TTC28: variants seen among roughly 807,000 people sequenced by gnomAD.
TTC28 encodes the protein tetratricopeptide repeat protein 28.
TTC28 carries 61 observed loss-of-function variants against 198.0 expected under a neutral mutation model. The observed-to-expected ratio is 0.31, with a 90% CI of 0.25 to 0.38. The LOEUF (loss-of-function observed/expected upper bound fraction) is 0.38. TTC28 is among the 10% of genes least tolerant of loss of function. TTC28 has a pLI of 1.00. For synonymous variants in TTC28, 1,171 were observed against 1,297.8 expected (o/e 0.90, Z 2.10); for missense variants, 2,678 against 3,164.0 (o/e 0.85, Z 3.69).
chr22:28,336,623 C>T (rs561346367), intron 2 of TTC28, among the ~76,000 whole-genome samples: 10 of 151,598 alleles, frequency 6.6e-5, no homozygotes, highest in Admixed American at 5.3e-4. Flanking sequence ...AGTTTATTTG[C>T]GTAGAGGTGG....
intron 2 of TTC28, among the ~76,000 whole-genome samples, chr22:28,469,166 G>C (rs972704551): frequency 1.3e-5 from 2 of 152,142 alleles, no homozygotes; most frequent in Non-Finnish European, 2.9e-5. Context: ...TAGAGCTTCA[G>C]ACTACCTCTT....
At chr22:28,119,812 T>G (rs541015724) in intron 6 of TTC28, among the ~76,000 whole-genome samples, 8 of 152,390 alleles carry the variant, frequency 5.2e-5, no homozygotes, top group African/African-American at 1.9e-4. Flanking sequence ...ACTTCATTTT[T>G]GTACTGTCAT....
At chr22:28,626,165 A>C in intron 2 of TTC28, among the ~76,000 whole-genome samples, 1 of 152,178 alleles carries the variant, frequency 6.6e-6, no homozygotes, top group Non-Finnish European at 1.5e-5. Context: ...AAATCAAAGA[A>C]AAAACATCTA....
chr22:28,394,444 T>C (rs1471823934), intron 2 of TTC28, among the ~76,000 whole-genome samples: 1 of 152,222 alleles, frequency 6.6e-6, no homozygotes, highest in Non-Finnish European at 1.5e-5. Context: ...TTCTCCAAAC[T>C]CTGGGATTCC....
chr22:28,078,258 C>T (rs1038108457), intron 12 of TTC28, among the ~76,000 whole-genome samples: 1 of 152,112 alleles, frequency 6.6e-6, no homozygotes, highest in African/African-American at 2.4e-5. Flanking sequence ...GGCTAGGCTG[C>T]GGGTAATTGA....
At chr22:28,261,492 T>C (rs1207010858) in intron 5 of TTC28, among the ~76,000 whole-genome samples, 2 of 152,142 alleles carry the variant, frequency 1.3e-5, no homozygotes, top group African/African-American at 2.4e-5. Context: ...TCTTGGCTTT[T>C]ATTCTATGTG....
intron 2 of TTC28, among the ~76,000 whole-genome samples, chr22:28,573,189 G>A (rs1022259862): frequency 1.1e-4 from 16 of 151,516 alleles, no homozygotes; most frequent in African/African-American, 3.9e-4. Context: ...AGGCGTGGGG[G>A]CTCATGCCTG....
intron 2 of TTC28, among the ~76,000 whole-genome samples, chr22:28,517,766 T>C (rs2048819344): frequency 1.3e-5 from 2 of 152,216 alleles, no homozygotes; most frequent in Non-Finnish European, 2.9e-5. Flanking sequence ...ACTAAGTACT[T>C]ATTAAAGCAA....
At chr22:28,324,622 G>A (rs1218618411) in intron 2 of TTC28, among the ~76,000 whole-genome samples, 1 of 152,104 alleles carries the variant, frequency 6.6e-6, no homozygotes, top group Non-Finnish European at 1.5e-5. Flanking sequence ...CTACATAACA[G>A]AACAAATGAC....
intron 5 of TTC28, among the ~76,000 whole-genome samples, chr22:28,179,803 C>T (rs1159015211): frequency 6.6e-6 from 1 of 152,112 alleles, no homozygotes; most frequent in Non-Finnish European, 1.5e-5. Context: ...ATATCCTGGC[C>T]AATCCTGACC....
chr22:28,181,107 C>G (rs560421683), intron 5 of TTC28, among the ~76,000 whole-genome samples: 95 of 152,256 alleles, frequency 6.2e-4, no homozygotes, highest in African/African-American at 2.0e-3. Context: ...ACCTGTCAGC[C>G]TTTTCCAATG....
chr22:28,505,310 T>C (rs1475007702), intron 2 of TTC28, among the ~76,000 whole-genome samples: 1 of 148,770 alleles, frequency 6.7e-6, no homozygotes, highest in African/African-American at 2.5e-5. Flanking sequence ...TCTTGCAAGA[T>C]GGCCGATTAG....
At chr22:28,407,495 C>G (rs1045556578) in intron 2 of TTC28, among the ~76,000 whole-genome samples, 16 of 150,674 alleles carry the variant, frequency 1.1e-4, no homozygotes, top group Non-Finnish European at 1.9e-4. Context: ...CACACACACA[C>G]AGTAATGCCT....
intron 2 of TTC28, among the ~76,000 whole-genome samples, chr22:28,544,081 C>T (rs1405339209): frequency 2.0e-5 from 3 of 151,980 alleles, no homozygotes; most frequent in African/African-American, 4.8e-5. Flanking sequence ...ATTAGCCAGG[C>T]GTGGTGGCGG....
At chr22:28,553,076 C>T (rs368069656) in intron 2 of TTC28, among the ~76,000 whole-genome samples, 5 of 152,180 alleles carry the variant, frequency 3.3e-5, no homozygotes, top group Non-Finnish European at 2.9e-5. Flanking sequence ...GACGGAGTCT[C>T]GTTCACTCAG....
chr22:28,671,503 C>T (rs1323165233), intron 1 of TTC28, among the ~76,000 whole-genome samples: 14 of 151,368 alleles, frequency 9.2e-5, no homozygotes, highest in African/African-American at 3.4e-4. Flanking sequence ...GGCGTGGTGG[C>T]GGGAGCCTGT....
At chr22:28,171,744 C>T (rs564709040) in intron 5 of TTC28, among the ~76,000 whole-genome samples, 2 of 151,544 alleles carry the variant, frequency 1.3e-5, no homozygotes, top group South Asian at 4.2e-4. Context: ...TTTTCTGTTT[C>T]TTTTTTTCTG....
intron 12 of TTC28, among the ~76,000 whole-genome samples, chr22:28,062,552 C>T (rs527748028): frequency 6.6e-6 from 1 of 151,534 alleles, no homozygotes; most frequent in East Asian, 1.9e-4. Flanking sequence ...TCACTGTAGA[C>T]TTGAACTCCT....
intron 5 of TTC28, among the ~76,000 whole-genome samples, chr22:28,227,523 A>C (rs1264526388): frequency 6.6e-6 from 1 of 152,096 alleles, no homozygotes; most frequent in Non-Finnish European, 1.5e-5. Context: ...TATGTAAAGA[A>C]CTCCTACAAC....
Sources: gnomAD v4.1 joint callset for allele counts (sites outside exome capture counted in the v4.1 genomes callset) on GRCh38, gnomAD v4.1.1 for gene constraint, MANE v1.5 for transcripts, NCBI Gene and HGNC (gene_info 2026-07-23, HGNC 2026-07-21) for gene names.